SLC4A5: variants seen among roughly 807,000 people sequenced by gnomAD.
The protein encoded by SLC4A5 is solute carrier family 4 member 5.
Under a neutral mutation model 120.4 loss-of-function variants are expected in SLC4A5, and 96 were observed. The ratio of observed to expected loss-of-function variants is 0.80; its 90% CI spans 0.68 to 0.94. The LOEUF is 0.94. SLC4A5 is among the 40% of genes least tolerant of loss of function. SLC4A5 has a pLI of 0.00. For synonymous variants in SLC4A5, 550 were observed against 571.1 expected (o/e 0.96, Z 0.53); for missense variants, 1,259 against 1,459.5 (o/e 0.86, Z 2.24).
chr2:74,300,323 T>C (rs1413025732), intron 7 of SLC4A5, among the ~76,000 whole-genome samples: 1 of 152,174 alleles, frequency 6.6e-6, no homozygotes, highest in Non-Finnish European at 1.5e-5. Context: ...CTTAGAGAGA[T>C]CTTAAGTGTT....
intron 22 of SLC4A5, among the ~76,000 whole-genome samples, chr2:74,233,879 A>G (rs889811211): frequency 1.3e-5 from 2 of 152,214 alleles, no homozygotes; most frequent in Non-Finnish European, 2.9e-5. Flanking sequence ...GCAAATAACA[A>G]ACAGCAGGAA....
chr2:74,339,419 T>G (rs1344356107), intron 2 of SLC4A5: 1 of 152,202 alleles, frequency 6.6e-6, no homozygotes, highest in African/African-American at 2.4e-5. Context: ...ATAAATAGAT[T>G]TTTAAATTTT....
exon 21 of SLC4A5, chr2:74,239,525 A>G (rs1327529842): frequency 2.5e-6 from 4 of 1,613,804 alleles, no homozygotes; most frequent in African/African-American, 2.7e-5. Flanking sequence ...TGTGAGGTTA[A>G]GGAGGTTGTA....
intron 11 of SLC4A5, among the ~76,000 whole-genome samples, chr2:74,260,855 G>C (rs933813568): frequency 3.6e-4 from 55 of 152,156 alleles, no homozygotes; most frequent in Admixed American, 3.9e-4. Flanking sequence ...GGGTTCTTTT[G>C]CTGGGTGCAC....
intron 5 of SLC4A5, among the ~76,000 whole-genome samples, chr2:74,324,922 A>G (rs1275588918): frequency 3.3e-5 from 5 of 152,184 alleles, no homozygotes; most frequent in African/African-American, 1.2e-4. Context: ...CTAAGCTGAT[A>G]AGCTTGGAAG....
chr2:74,233,342 G>C (rs954106469), intron 23 of SLC4A5, 60 bp downstream of exon 23: 1 of 1,579,036 alleles, frequency 6.3e-7, no homozygotes, highest in African/African-American at 1.3e-5. Flanking sequence ...TCCTTCCTTC[G>C]CTCTTTCTGA....
chr2:74,227,084 G>A (rs1382233157), exon 27 of SLC4A5: 10 of 1,614,034 alleles, frequency 6.2e-6, no homozygotes, highest in East Asian at 2.2e-5. Context: ...GGCATGGTCC[G>A]GCTGGTGCTT....
At chr2:74,287,084 C>T (rs192186849) in intron 7 of SLC4A5, among the ~76,000 whole-genome samples, 67 of 152,290 alleles carry the variant, frequency 4.4e-4, no homozygotes, top group South Asian at 1.2e-3. Flanking sequence ...CGCAATCTCT[C>T]GTTCACTGTC....
intron 17 of SLC4A5, 102 bp downstream of exon 17, chr2:74,250,241 G>T: frequency 8.5e-7 from 1 of 1,177,908 alleles, no homozygotes; most frequent in Non-Finnish European, 1.2e-6. Flanking sequence ...AACCTGGATG[G>T]TAGATGAAAC....
chr2:74,342,003 T>A (rs189999460), intron 2 of SLC4A5, among the ~76,000 whole-genome samples: 1 of 152,194 alleles, frequency 6.6e-6, no homozygotes, highest in South Asian at 2.1e-4. Flanking sequence ...CAAAACTATA[T>A]AAAATTGCTC....
intron 5 of SLC4A5, among the ~76,000 whole-genome samples, chr2:74,320,857 A>G (rs1673077937): frequency 6.6e-6 from 1 of 152,182 alleles, no homozygotes; most frequent in Non-Finnish European, 1.5e-5. Context: ...GATGTGTTTG[A>G]CTGTTGCAAG....
At chr2:74,341,753 T>C (rs1293802557) in intron 2 of SLC4A5, among the ~76,000 whole-genome samples, 1 of 152,226 alleles carries the variant, frequency 6.6e-6, no homozygotes, top group Non-Finnish European at 1.5e-5. Context: ...ATGTTGCGGA[T>C]TGCCCAGACT....
At chr2:74,254,307 C>T (rs1670888935) in intron 14 of SLC4A5, among the ~76,000 whole-genome samples, 1 of 152,178 alleles carries the variant, frequency 6.6e-6, no homozygotes, top group Admixed American at 6.5e-5. Context: ...TGCCTCACAG[C>T]CTGGTGCTGG....
chr2:74,273,468 T>C (rs2104095764), intron 8 of SLC4A5, among the ~76,000 whole-genome samples: 1 of 152,328 alleles, frequency 6.6e-6, no homozygotes, highest in African/African-American at 2.4e-5. Flanking sequence ...TATATATCCC[T>C]GTGGTCACTC....
chr2:74,239,706 C>T (rs1267879212), intron 20 of SLC4A5, among the ~76,000 whole-genome samples, 171 bp from the exon 21 acceptor site: 1 of 152,132 alleles, frequency 6.6e-6, no homozygotes, highest in African/African-American at 2.4e-5. Context: ...GACAAGCTCC[C>T]TAGGAAGATT....
At chr2:74,221,437 C>G in exon 30 of SLC4A5, 1 of 1,610,432 alleles carries the variant, frequency 6.2e-7, no homozygotes, top group Non-Finnish European at 8.5e-7. Flanking sequence ...TGTTTACCTT[C>G]GGTCAAGTTC....
intron 11 of SLC4A5, among the ~76,000 whole-genome samples, chr2:74,260,348 G>T (rs1671097165): frequency 6.6e-6 from 1 of 151,854 alleles, no homozygotes. Flanking sequence ...CTCCTGCTTG[G>T]ACATCCCAGG....
chr2:74,333,599 G>A (rs1476465855), intron 4 of SLC4A5, among the ~76,000 whole-genome samples: 1 of 152,214 alleles, frequency 6.6e-6, no homozygotes, highest in East Asian at 1.9e-4. Context: ...AAGATAAACA[G>A]AGGATTGCAT....
intron 7 of SLC4A5, 130 bp downstream of exon 7, chr2:74,304,359 G>T: frequency 1.1e-6 from 1 of 928,154 alleles, no homozygotes; most frequent in Non-Finnish European, 1.6e-6. Flanking sequence ...AGCAGAGGGG[G>T]CCAGAGAGGT....
Sources: allele counts gnomAD v4.1 joint callset (sites outside exome capture counted in the v4.1 genomes callset), GRCh38; gene constraint gnomAD v4.1.1; transcripts MANE v1.5; gene names NCBI Gene and HGNC (gene_info 2026-07-23, HGNC 2026-07-21).